Variants in TRAP1 observed in about 807,000 individuals in gnomAD.
The protein encoded by TRAP1 is heat shock protein 75 kDa, mitochondrial.
In TRAP1, 102 loss-of-function variants were observed where a neutral mutation model predicts 89.1. That is an observed-to-expected ratio of 1.15 (90% CI 0.98 to 1.35). The LOEUF is 1.35. Ranked by LOEUF, TRAP1 falls within the 40% of genes most tolerant of loss-of-function variation. The probability of loss-of-function intolerance (pLI) is 0.00; values close to 1 mark genes in which losing one functional copy is unlikely to be tolerated. For synonymous variants in TRAP1, 508 were observed against 388.0 expected, an observed-to-expected ratio of 1.31 and a Z score of -3.64; for missense variants, 1,256 against 945.3, an observed-to-expected ratio of 1.33 and a Z score of -4.31.
chr16:3,693,907 C>T (rs970180725), intron 1 of TRAP1, among the ~76,000 whole-genome samples: 2 of 151,634 alleles, frequency 1.3e-5, no homozygotes, highest in African/African-American at 4.9e-5. Flanking sequence ...GTGGGAAGAT[C>T]ACTTGAGCCC....
intron 4 of TRAP1, among the ~76,000 whole-genome samples, chr16:3,681,802 G>C (rs374126010): frequency 6.6e-6 from 1 of 152,064 alleles, no homozygotes; most frequent in Admixed American, 6.5e-5. Context: ...TTCCCAAACT[G>C]ATCTGCACTG....
chr16:3,690,452 A>C (rs1161394680), intron 2 of TRAP1, among the ~76,000 whole-genome samples: 4 of 152,230 alleles, frequency 2.6e-5, no homozygotes, highest in Middle Eastern at 3.2e-3. Context: ...ACTGGCTCCA[A>C]AGACTGCTTT....
chr16:3,707,889 A>C (rs2051472191), intron 1 of TRAP1, among the ~76,000 whole-genome samples: 1 of 150,974 alleles, frequency 6.6e-6, no homozygotes, highest in Non-Finnish European at 1.5e-5. Flanking sequence ...AAACACATTA[A>C]GAAAAAAACT....
intron 9 of TRAP1, among the ~76,000 whole-genome samples, chr16:3,673,105 G>A (rs1025225629): frequency 1.3e-5 from 2 of 151,800 alleles, no homozygotes; most frequent in African/African-American, 4.8e-5. Context: ...ACTGAACACA[G>A]CCAAACCTTG....
chr16:3,666,363 G>C (rs1353389817), intron 11 of TRAP1, among the ~76,000 whole-genome samples: 1 of 118,768 alleles, frequency 8.4e-6, no homozygotes, highest in Non-Finnish European at 1.7e-5. Flanking sequence ...TGCCCCCAGA[G>C]ACAAGATACC....
At chr16:3,702,648 G>T (rs1567243524) in intron 1 of TRAP1, among the ~76,000 whole-genome samples, 1 of 151,644 alleles carries the variant, frequency 6.6e-6, no homozygotes, top group East Asian at 1.9e-4. Context: ...GGGTACTTGA[G>T]GCGGAAGGAT....
intron 1 of TRAP1, among the ~76,000 whole-genome samples, chr16:3,703,043 G>GGAAAAAAAA (rs564433883): frequency 2.3e-5 from 1 of 43,512 alleles, no homozygotes; most frequent in South Asian, 8.7e-4. Flanking sequence ...ACTCCGTCTT[G>GGAAAAAAAA]AAAAAAAAAA....
chr16:3,681,843 T>C (rs1352764286), intron 4 of TRAP1, among the ~76,000 whole-genome samples: 2 of 152,218 alleles, frequency 1.3e-5, no homozygotes, highest in Admixed American at 6.5e-5. Context: ...ACAGGTTTTG[T>C]AGAAAATGAC....
intron 11 of TRAP1, among the ~76,000 whole-genome samples, chr16:3,669,281 C>T (rs546219559): frequency 2.3e-4 from 35 of 152,310 alleles, no homozygotes; most frequent in Middle Eastern, 3.4e-3. Flanking sequence ...GACCACAGAA[C>T]AGTCGCTGCT....
At chr16:3,677,222 A>G (rs1478911231) in intron 6 of TRAP1, among the ~76,000 whole-genome samples, 2 of 152,170 alleles carry the variant, frequency 1.3e-5, no homozygotes, top group Non-Finnish European at 2.9e-5. Flanking sequence ...GCGACAGGCC[A>G]GTCCTGCAGC....
At chr16:3,673,671 T>C (rs2050946656) in intron 9 of TRAP1, among the ~76,000 whole-genome samples, 1 of 152,212 alleles carries the variant, frequency 6.6e-6, no homozygotes, top group South Asian at 2.1e-4. Context: ...TGGCTGGCTC[T>C]TTCCAAGATG....
At chr16:3,687,582 C>T (rs1293071252) in intron 3 of TRAP1, among the ~76,000 whole-genome samples, 2 of 152,114 alleles carry the variant, frequency 1.3e-5, no homozygotes, top group African/African-American at 4.8e-5. Context: ...ACAGACCTTC[C>T]ATTTAAAATC....
At chr16:3,665,898 ACCT>A (rs1195518937) in intron 12 of TRAP1, 70 bp downstream of exon 12, 60 of 1,549,376 alleles carry the variant, frequency 3.9e-5, no homozygotes, top group Non-Finnish European at 4.9e-5. Flanking sequence ...ATCAGGGGAC[ACCT>A]CCACCAGCTT....
chr16:3,676,190 G>A, intron 6 of TRAP1, 45 bp from the exon 7 acceptor site: 1 of 1,555,594 alleles, frequency 6.4e-7, no homozygotes, highest in Non-Finnish European at 8.8e-7. Flanking sequence ...TGTGACACTG[G>A]GACATACCCT....
intron 1 of TRAP1, among the ~76,000 whole-genome samples, chr16:3,703,946 C>G (rs1044363519): frequency 1.3e-5 from 2 of 149,174 alleles, no homozygotes; most frequent in African/African-American, 5.2e-5. Flanking sequence ...ACGCGGGAGG[C>G]GGAGCGTGCA....
chr16:3,680,354 A>T (rs1376057372), intron 4 of TRAP1, among the ~76,000 whole-genome samples: 2 of 152,260 alleles, frequency 1.3e-5, no homozygotes, highest in African/African-American at 2.4e-5. Flanking sequence ...TTCCGAAAAG[A>T]AAATATTACA....
chr16:3,714,904 C>T (rs1376783672), intron 1 of TRAP1, among the ~76,000 whole-genome samples: 1 of 152,154 alleles, frequency 6.6e-6, no homozygotes, highest in Non-Finnish European at 1.5e-5. Flanking sequence ...GGTGGATCTG[C>T]CTAAACTATT....
rs748931329 is a variant in TRAP1 at position 3,698,451 on chromosome 16, C to T, written c.89-7466G>A. Among the ~76,000 whole-genome samples, 50 of 151,856 alleles carry T rather than the reference C, an allele frequency of 3.3e-4. 1 individual carries two copies. Among genetic ancestry groups the T allele is most frequent in the Non-Finnish European group, 6.2e-4 (42 of 67,948 alleles). On this transcript the variant is annotated intron_variant, in intron 1 of 17. Coordinates refer to ENST00000246957, the MANE Select transcript of TRAP1 (RefSeq NM_016292.3). ...TCAGCCTCCCAAGACTACAGGCGCC[C>T]GCCACCATGCCCGGCTAATTTTTTG...
chr16:3,662,181 A>G, intron 15 of TRAP1, 49 bp from the exon 16 acceptor site: 1 of 1,576,326 alleles, frequency 6.3e-7, no homozygotes, highest in South Asian at 1.2e-5. Context: ...CCAATGTGAG[A>G]GGGCTGGCAG....
Sources: allele counts gnomAD v4.1 joint callset (sites outside exome capture counted in the v4.1 genomes callset), GRCh38; gene constraint gnomAD v4.1.1; transcripts MANE v1.5; gene names NCBI Gene and HGNC (gene_info 2026-07-23, HGNC 2026-07-21).